SEC24A: variants seen among roughly 807,000 people sequenced by gnomAD.
The protein encoded by SEC24A is protein transport protein Sec24A.
SEC24A carries 93 observed loss-of-function variants against 129.4 expected under a neutral mutation model. The ratio of observed to expected loss-of-function variants is 0.72; its 90% confidence interval spans 0.61 to 0.85. The LOEUF (loss-of-function observed/expected upper bound fraction) is 0.85, where lower values mean the gene tolerates loss of function less well. SEC24A is among the 40% of genes least tolerant of loss of function. The probability of loss-of-function intolerance (pLI) is 0.00; values close to 1 mark genes in which losing one functional copy is unlikely to be tolerated. For missense variants in SEC24A, 1,264 were observed against 1,307.4 expected, an observed-to-expected ratio of 0.97 and a Z score of 0.51; for synonymous variants, 460 against 467.3, an observed-to-expected ratio of 0.98 and a Z score of 0.20.
At chr5:134,689,959 A>G (rs1429143976) in intron 11 of SEC24A, among the ~76,000 whole-genome samples, 1 of 149,096 alleles carries the variant, frequency 6.7e-6, no homozygotes, top group Non-Finnish European at 1.5e-5. Context: ...GAGACAGAAA[A>G]TGGAATAGAG....
intron 4 of SEC24A, among the ~76,000 whole-genome samples, chr5:134,673,853 G>C (rs1486300937): frequency 6.6e-6 from 1 of 152,058 alleles, no homozygotes; most frequent in Non-Finnish European, 1.5e-5. Flanking sequence ...CAAGATTTTT[G>C]GCCGGGCACG....
chr5:134,703,107 T>G (rs943728100), intron 15 of SEC24A, among the ~76,000 whole-genome samples: 1 of 152,080 alleles, frequency 6.6e-6, no homozygotes, highest in African/African-American at 2.4e-5. Context: ...TCTAAATTTT[T>G]TTTGCTGTGA....
intron 4 of SEC24A, among the ~76,000 whole-genome samples, chr5:134,674,047 C>T (rs1005773288): frequency 2.0e-5 from 3 of 152,010 alleles, no homozygotes; most frequent in Non-Finnish European, 4.4e-5. Flanking sequence ...GCAGGAAAAT[C>T]GCTTGAACCC....
At chr5:134,692,548 C>A in intron 11 of SEC24A, 54 bp from the exon 12 acceptor site, 1 of 923,888 alleles carries the variant, frequency 1.1e-6, no homozygotes, top group South Asian at 1.5e-5. Flanking sequence ...ATATATTTGG[C>A]ACACTTTTAA....
intron 11 of SEC24A, among the ~76,000 whole-genome samples, chr5:134,690,470 C>T (rs956497331): frequency 1.3e-5 from 2 of 152,306 alleles, no homozygotes; most frequent in Middle Eastern, 3.4e-3. Context: ...CACGCTACCA[C>T]GCCCAGCTAA....
At chr5:134,714,475 A>G (rs1752421102) in intron 18 of SEC24A, among the ~76,000 whole-genome samples, 1 of 152,228 alleles carries the variant, frequency 6.6e-6, no homozygotes, top group Admixed American at 6.5e-5. Context: ...CGAGAGATCT[A>G]GGTTGCATAC....
intron 10 of SEC24A, among the ~76,000 whole-genome samples, chr5:134,687,858 A>G (rs1245031323): frequency 2.0e-5 from 3 of 152,172 alleles, no homozygotes; most frequent in African/African-American, 7.2e-5. Flanking sequence ...ACTTAAAATC[A>G]TCTGCAAAAT....
Position 134,656,428 on chromosome 5 carries a change from C to G in SEC24A, c.98-4691C>G, listed in dbSNP as rs117432181. ...TCTCCACTTAGATTTCTTGGTGGCA[C>G]CTGAAAATTAGTGTGTTTAAAATAA... is the stretch of plus-strand genomic sequence containing the variant. On this transcript the variant is annotated intron_variant, in intron 1 of 22. Transcript: ENST00000398844. Among the ~76,000 whole-genome samples the G allele has an allele frequency of 5.5e-3, 839 of 151,990 alleles. 4 individuals are homozygous for G. The highest frequency in any genetic ancestry group is 0.044 in the Middle Eastern group (13 of 294).
intron 7 of SEC24A, among the ~76,000 whole-genome samples, chr5:134,677,946 G>A (rs542209169): frequency 1.3e-5 from 2 of 152,214 alleles, no homozygotes; most frequent in South Asian, 4.2e-4. Context: ...CCTGTCTCAG[G>A]GTTTCTGGTA....
At chr5:134,703,317 G>T (rs2150104440) in intron 15 of SEC24A, among the ~76,000 whole-genome samples, 1 of 151,974 alleles carries the variant, frequency 6.6e-6, no homozygotes, top group African/African-American at 2.4e-5. Context: ...GCCCAGGCTG[G>T]AGTGCAGTGG....
At chr5:134,695,758 G>A (rs977077321) in intron 13 of SEC24A, among the ~76,000 whole-genome samples, 3 of 151,662 alleles carry the variant, frequency 2.0e-5, no homozygotes, top group Admixed American at 6.6e-5. Flanking sequence ...CAGCCTGAGC[G>A]ACAGAGTGAG....
Position 134,718,077 on chromosome 5 carries a change from C to G in SEC24A, c.2874C>G (p.Leu958=). 1 of 1,613,492 alleles carries G rather than the reference C, an allele frequency of 6.2e-7. No homozygotes were observed. Among genetic ancestry groups the G allele is most frequent in the Non-Finnish European group, 8.5e-7 (1 of 1,179,448 alleles). Residue 958 remains leucine (L), a synonymous_variant, in exon 20 of 23, where the codon CTC becomes CTG. Transcript: ENST00000398844. ...TTTACTTAATTCCTCAGGGAGCACT[C>G]AACATCAGTGATAGAACCATACCTC... ...RVDNLSDEGA[L]NISDRTIPQP... is the part of the protein sequence containing the mutation.
chr5:134,702,776 G>T (rs1304645502), intron 15 of SEC24A, among the ~76,000 whole-genome samples: 1 of 151,666 alleles, frequency 6.6e-6, no homozygotes, highest in Admixed American at 6.6e-5. Context: ...TGTTGTTGTT[G>T]TTTTTTGAGA....
intron 1 of SEC24A, 106 bp from the exon 2 acceptor site, chr5:134,661,013 A>C (rs1750437263): frequency 7.4e-6 from 6 of 806,604 alleles, no homozygotes; most frequent in Non-Finnish European, 1.2e-5. Flanking sequence ...TTTTTAATTG[A>C]GTTATGTGTT....
At chr5:134,654,918 A>G (rs1750188023) in intron 1 of SEC24A, among the ~76,000 whole-genome samples, 1 of 151,592 alleles carries the variant, frequency 6.6e-6, no homozygotes. Flanking sequence ...GGGTTTCACC[A>G]TTTGGCCAGG....
At chr5:134,693,275 GT>G (rs1207245763) in intron 12 of SEC24A, 18 of 1,416,668 alleles carry the variant, frequency 1.3e-5, no homozygotes, top group Non-Finnish European at 1.2e-5. Flanking sequence ...AACCTAACCT[GT>G]AAAGGTAGTT....
chr5:134,707,474 C>T (rs34297159), intron 17 of SEC24A, among the ~76,000 whole-genome samples: 2,442 of 151,878 alleles, frequency 0.016, 63 homozygotes, highest in Non-Finnish European at 0.022. Context: ...GGACTACAGG[C>T]GCCCGCCATC....
intron 4 of SEC24A, among the ~76,000 whole-genome samples, chr5:134,672,886 G>T (rs1235932553): frequency 2.0e-5 from 3 of 151,498 alleles, no homozygotes; most frequent in Non-Finnish European, 4.4e-5. Context: ...TAGGCATATG[G>T]TACCATGCCA....
intron 1 of SEC24A, among the ~76,000 whole-genome samples, chr5:134,658,317 A>C (rs1232149863): frequency 6.6e-6 from 1 of 152,202 alleles, no homozygotes; most frequent in Non-Finnish European, 1.5e-5. Flanking sequence ...ACATTAAACA[A>C]TATGCTACAT....
Sources: gnomAD v4.1 joint callset for allele counts (sites outside exome capture counted in the v4.1 genomes callset) on GRCh38, gnomAD v4.1.1 for gene constraint, MANE v1.5 for transcripts, NCBI Gene and HGNC (gene_info 2026-07-23, HGNC 2026-07-21) for gene names.